Variants in IDE observed in about 807,000 individuals in gnomAD.
IDE encodes insulin-degrading enzyme.
Under a neutral mutation model 133.2 loss-of-function variants are expected in IDE, and 58 were observed. That is an observed-to-expected ratio of 0.44 (90% CI 0.35 to 0.54). The LOEUF (loss-of-function observed/expected upper bound fraction) is 0.54, where lower values mean the gene tolerates loss of function less well. Among genes scored for constraint, IDE ranks in the 20% least tolerant of loss-of-function variants. The probability of loss-of-function intolerance (pLI) is 0.00; values close to 1 mark genes in which losing one functional copy is unlikely to be tolerated. For missense variants in IDE, 981 were observed against 1,234.0 expected, an observed-to-expected ratio of 0.79 and a Z score of 3.07; for synonymous variants, 396 against 421.3, an observed-to-expected ratio of 0.94 and a Z score of 0.73.
intron 14 of IDE, among the ~76,000 whole-genome samples, chr10:92,481,614 G>C (rs943288644): frequency 6.6e-6 from 1 of 152,148 alleles, no homozygotes; most frequent in African/African-American, 2.4e-5. Flanking sequence ...ATGGATCACA[G>C]GGTTTTAAAA....
Position 92,565,396 on chromosome 10 carries a change from C to T in IDE, c.98+8526G>A, listed in dbSNP as rs145771639. ...CTGCACTCCAGCCTGGGCAACACAG[C>T]GAGACTCCATCTCAAAAAAAAAAAA... On this transcript the variant is annotated intron_variant, in intron 1 of 24. Coordinates refer to ENST00000265986, the MANE Select transcript of IDE (RefSeq NM_004969.4). Among the ~76,000 whole-genome samples the T allele has an allele frequency of 7.8e-3, 1,051 of 135,216 alleles. 11 individuals carry two copies. The highest frequency in any genetic ancestry group is 0.028 in the African/African-American group (997 of 35,298). 88.7% of individuals were successfully genotyped at this position (135,216 alleles called of 152,430 possible). A position where few individuals can be genotyped will look rare whatever the true frequency, so the allele number is the denominator to read the frequency against.
chr10:92,469,034 A>AAGATATGTT, intron 18 of IDE, 44 bp from the exon 19 acceptor site: 1 of 1,085,218 alleles, frequency 9.2e-7, no homozygotes, highest in Non-Finnish European at 1.4e-6. Context: ...AAACATAAAC[A>AAGATATGTT]TATCTTGTTT....
chr10:92,477,668 T>G (rs7091270), intron 15 of IDE, among the ~76,000 whole-genome samples: 29,657 of 152,184 alleles, frequency 0.19, 3,256 homozygotes, highest in Admixed American at 0.28. Flanking sequence ...AGCACATCAT[T>G]TTTCCTACTG....
chr10:92,572,856 C>G (rs902056757), intron 1 of IDE: 7 of 981,368 alleles, frequency 7.1e-6, no homozygotes, highest in Admixed American at 6.2e-5. Context: ...CCTACCCCCC[C>G]ATCTCTGGCC....
intron 1 of IDE, among the ~76,000 whole-genome samples, chr10:92,540,617 A>C (rs994645182): frequency 5.3e-5 from 8 of 152,300 alleles, no homozygotes; most frequent in Admixed American, 2.0e-4. Flanking sequence ...TGACCTAGTG[A>C]GTTTGACTTA....
chr10:92,490,538 A>G lies in IDE; in HGVS notation c.1488T>C (p.Tyr496=), dbSNP rs775533171. 3 of 1,613,222 alleles carry G rather than the reference A, an allele frequency of 1.9e-6. No homozygotes were observed. Among genetic ancestry groups the G allele is most frequent in the Admixed American group, 1.7e-5 (1 of 60,014 alleles). The change falls in exon 12 of 25, where the codon TAT becomes TAC. Residue 496 remains tyrosine, a synonymous_variant. Coordinates refer to ENST00000265986, the MANE Select transcript of IDE (RefSeq NM_004969.4). ...EGKTDRTEEW[Y]GTQYKQEAIP... Reference sequence around the variant, plus strand: ...TAGCTTCTTGTTTGTACTGGGTTCCATACCACTCTTCTGTGCGATCAGTTT... The same window carrying G: ...TAGCTTCTTGTTTGTACTGGGTTCCGTACCACTCTTCTGTGCGATCAGTTT...
chr10:92,551,646 C>A (rs186740540), intron 1 of IDE, among the ~76,000 whole-genome samples: 1 of 151,086 alleles, frequency 6.6e-6, no homozygotes, highest in Admixed American at 6.6e-5. Context: ...ATATAAGGTA[C>A]CTAGAGTAGT....
At chr10:92,479,498 G>T (rs1158411042) in intron 14 of IDE, 77 bp from the exon 15 acceptor site, 2 of 1,043,626 alleles carry the variant, frequency 1.9e-6, no homozygotes, top group East Asian at 2.4e-5. Flanking sequence ...GATGGATCAA[G>T]ATATTGAACA....
In IDE at chr10:92,537,377, T is replaced by C. The variant is rs1338414047; in HGVS notation, c.272A>G (p.Asp91Gly). 3.1e-6 allele frequency: 5 copies of C among 1,603,126 alleles called. No individual in the cohort carries two copies. The highest frequency in any genetic ancestry group is 4.2e-6 in the Non-Finnish European group (5 of 1,177,206). The change falls in exon 2 of 25, where the codon GAT (aspartate) becomes GGT (glycine). Residue 91 changes from aspartate (D) to glycine (G), a missense_variant. Physicochemically the swap from Asp to Gly is moderately conservative, Grantham distance 94. Transcript: ENST00000265986. ...ATTTTCAATTGTACCTATGTGCACA[T>C]CAAGTGCTGCTGATGACTTATCCGT... The part of the protein sequence containing the change: ...PTTDKSSAAL[D>G]VHIGSLSDPP...
chr10:92,525,808 C>CA (rs1277036348), intron 4 of IDE, among the ~76,000 whole-genome samples: 1 of 122,716 alleles, frequency 8.1e-6, no homozygotes, highest in African/African-American at 3.0e-5. Flanking sequence ...CTACAAAAAA[C>CA]AAAAAACAAA....
intron 4 of IDE, among the ~76,000 whole-genome samples, chr10:92,519,208 G>A (rs1250365093): frequency 6.6e-6 from 1 of 152,106 alleles, no homozygotes; most frequent in Non-Finnish European, 1.5e-5. Context: ...TAGAAATTGT[G>A]GCTAGAAGCT....
chr10:92,542,223 T>G, intron 1 of IDE, among the ~76,000 whole-genome samples: 1 of 152,288 alleles, frequency 6.6e-6, no homozygotes, highest in East Asian at 1.9e-4. Context: ...GGCACAATCT[T>G]GGTTCACTAT....
chr10:92,489,863 TTCCCAGGA>T (rs1847239306), intron 12 of IDE, among the ~76,000 whole-genome samples: 1 of 152,216 alleles, frequency 6.6e-6, no homozygotes, highest in Non-Finnish European at 1.5e-5. Flanking sequence ...TTCTGGTCTT[TTCCCAGGA>T]ATAAGGGACG....
Position 92,524,440 on chromosome 10 carries a change from ATATATTTTATATATTATATATTTT to A in IDE, c.661+7284_661+7307del, listed in dbSNP as rs1564647927. Among the ~76,000 whole-genome samples, 70 of 17,718 alleles carry A rather than the reference ATATATTTTATATATTATATATTTT, an allele frequency of 4.0e-3. 2 individuals are homozygous for A. Among genetic ancestry groups the A allele is most frequent in the Non-Finnish European group, 5.0e-3 (47 of 9,320 alleles). 11.6% of individuals were successfully genotyped at this position (17,718 alleles called of 152,430 possible). On this transcript the variant is annotated intron_variant, in intron 4 of 24. Coordinates refer to ENST00000265986, the MANE Select transcript of IDE (RefSeq NM_004969.4). ...TATTATATATAATATATTTTATATA[ATATATTTTATATATTATATATTTT>A]ATATAATATATAATATATATTATAT...
chr10:92,502,156 A>C (rs1744496348), intron 11 of IDE, among the ~76,000 whole-genome samples: 1 of 152,124 alleles, frequency 6.6e-6, no homozygotes, highest in South Asian at 2.1e-4. Context: ...TAAATGAATA[A>C]AAAGAAAAAG....
At chr10:92,573,171 A>C (rs1843870999) in intron 1 of IDE, 3 of 985,468 alleles carry the variant, frequency 3.0e-6, no homozygotes, top group Non-Finnish European at 3.6e-6. Flanking sequence ...TAGCGTACGC[A>C]GATCAACGGT....
At position 92,497,332 on chromosome 10, in the gene IDE, T is replaced by G. The variant is rs1847764420; in HGVS notation, c.1431-6737A>C. Among the ~76,000 whole-genome samples the G allele has an allele frequency of 2.6e-5, 4 of 152,326 alleles. 1 individual carries two copies. The South Asian group carries it at 8.3e-4, about 32-fold the overall frequency. ...AAAATAATTGTCTAACAATTAGGAC[T>G]GGCAAAAATGAAACTGGCTACCTTG... is the stretch of plus-strand genomic sequence containing the variant. On this transcript the variant is annotated intron_variant, in intron 11 of 24. Coordinates refer to ENST00000265986, the MANE Select transcript of IDE (RefSeq NM_004969.4).
intron 21 of IDE, 119 bp downstream of exon 21, chr10:92,463,612 C>T (rs1355813076): frequency 1.1e-6 from 1 of 909,368 alleles, no homozygotes; most frequent in South Asian, 1.6e-5. Flanking sequence ...CATCCCCCCA[C>T]CCCAACTCCC....
intron 1 of IDE, among the ~76,000 whole-genome samples, chr10:92,561,122 G>C (rs373969179): frequency 1.4e-4 from 22 of 151,998 alleles, no homozygotes; most frequent in African/African-American, 4.8e-4. Context: ...CGGGCACGGT[G>C]GTGGGCGCCT....
Sources: gnomAD v4.1 joint callset for allele counts (sites outside exome capture counted in the v4.1 genomes callset) on GRCh38, gnomAD v4.1.1 for gene constraint, MANE v1.5 for transcripts, NCBI Gene and HGNC (gene_info 2026-07-23, HGNC 2026-07-21) for gene names.